The following CNTN5 variants were observed in gnomAD, a reference collection of about 807,000 sequenced individuals.
The protein encoded by CNTN5 is contactin-5.
Under a neutral mutation model 129.1 loss-of-function variants are expected in CNTN5, and 77 were observed. The observed-to-expected ratio is 0.60, with a 90% CI of 0.50 to 0.72. The LOEUF is 0.72. CNTN5 is among the 30% of genes least tolerant of loss of function. CNTN5 has a pLI of 0.00. For missense variants in CNTN5, 1,478 were observed against 1,328.8 expected (o/e 1.11, Z -1.75); for synonymous variants, 509 against 465.6 (o/e 1.09, Z -1.20).
intron 3 of CNTN5, among the ~76,000 whole-genome samples, chr11:99,763,684 T>C (rs138501833): frequency 1.3e-3 from 202 of 152,222 alleles, no homozygotes; most frequent in African/African-American, 4.6e-3. Flanking sequence ...AAGCATATTG[T>C]ATATTAATTT....
chr11:99,967,706 C>T (rs1027875617), intron 8 of CNTN5, among the ~76,000 whole-genome samples: 1 of 152,066 alleles, frequency 6.6e-6, no homozygotes, highest in Non-Finnish European at 1.5e-5. Context: ...TTTTTCCGAG[C>T]CGTAATTCCT....
chr11:99,085,497 G>A (rs547789614), intron 1 of CNTN5, among the ~76,000 whole-genome samples: 13 of 152,182 alleles, frequency 8.5e-5, no homozygotes, highest in Admixed American at 8.5e-4. Flanking sequence ...CCTTGTAAGA[G>A]TTTTTCTAAC....
chr11:100,291,872 A>G (rs1424305311), intron 18 of CNTN5, among the ~76,000 whole-genome samples: 1 of 151,652 alleles, frequency 6.6e-6, no homozygotes, highest in Non-Finnish European at 1.5e-5. Context: ...ATAGCTGTAG[A>G]GGTTAAAACA....
intron 2 of CNTN5, among the ~76,000 whole-genome samples, chr11:99,445,673 C>G (rs762792598): frequency 1.6e-4 from 24 of 152,158 alleles, no homozygotes; most frequent in Non-Finnish European, 1.6e-4. Flanking sequence ...GAGATGTTAA[C>G]TAAGGAAATG....
At chr11:100,259,021 A>ACCCCCC (rs1333070924) in intron 17 of CNTN5, among the ~76,000 whole-genome samples, 1 of 152,120 alleles carries the variant, frequency 6.6e-6, no homozygotes, top group South Asian at 2.1e-4. Flanking sequence ...AAGAGTCAAG[A>ACCCCCC]CCCATCAGTG....
intron 18 of CNTN5, among the ~76,000 whole-genome samples, chr11:100,287,675 G>A (rs1313776306): frequency 1.3e-5 from 2 of 151,960 alleles, no homozygotes; most frequent in African/African-American, 4.8e-5. Context: ...AAAGACCTTC[G>A]AGACTAGGAA....
chr11:100,223,948 C>G (rs1269047173), intron 15 of CNTN5, among the ~76,000 whole-genome samples: 1 of 151,984 alleles, frequency 6.6e-6, no homozygotes, highest in East Asian at 1.9e-4. Flanking sequence ...GGAACATCAC[C>G]TATCCCATGA....
chr11:99,445,158 T>TATA (rs1944011097), intron 2 of CNTN5, among the ~76,000 whole-genome samples: 1 of 149,658 alleles, frequency 6.7e-6, no homozygotes, highest in African/African-American at 2.4e-5. Context: ...ATATATAGCT[T>TATA]ATATATAAAT....
intron 2 of CNTN5, among the ~76,000 whole-genome samples, chr11:99,373,711 CAAAAAAAAA>C (rs57363059): frequency 2.1e-5 from 2 of 96,000 alleles, no homozygotes; most frequent in African/African-American, 8.4e-5. Flanking sequence ...AACTCCGTCT[CAAAAAAAAA>C]AAAAAAAAAA....
intron 1 of CNTN5, among the ~76,000 whole-genome samples, chr11:99,123,171 A>C (rs1291600095): frequency 6.6e-6 from 1 of 152,134 alleles, no homozygotes; most frequent in Non-Finnish European, 1.5e-5. Context: ...ACCAGTGTAT[A>C]ATAAGTGTTC....
At chr11:99,906,880 G>T (rs1356462270) in intron 6 of CNTN5, among the ~76,000 whole-genome samples, 1 of 151,472 alleles carries the variant, frequency 6.6e-6, no homozygotes, top group Non-Finnish European at 1.5e-5. Flanking sequence ...TTGGAAGGGT[G>T]TATATGTCCA....
chr11:99,202,870 G>A (rs1859279866), intron 1 of CNTN5, among the ~76,000 whole-genome samples: 1 of 151,664 alleles, frequency 6.6e-6, no homozygotes, highest in African/African-American at 2.4e-5. Context: ...CTGCCCATAT[G>A]TTTGAAAATA....
At chr11:99,131,722 G>A (rs1329262408) in intron 1 of CNTN5, among the ~76,000 whole-genome samples, 1 of 152,008 alleles carries the variant, frequency 6.6e-6, no homozygotes, top group African/African-American at 2.4e-5. Flanking sequence ...TCCCCAAATA[G>A]ACCAATAACA....
At chr11:100,321,128 A>G (rs1466042987) in intron 21 of CNTN5, among the ~76,000 whole-genome samples, 3 of 152,080 alleles carry the variant, frequency 2.0e-5, no homozygotes, top group African/African-American at 7.2e-5. Context: ...CAATGACTCT[A>G]TAGGTCCTTT....
chr11:99,391,976 A>G (rs1591616545), intron 2 of CNTN5, among the ~76,000 whole-genome samples: 1 of 152,026 alleles, frequency 6.6e-6, no homozygotes, highest in East Asian at 1.9e-4. Context: ...GCACAAGAAA[A>G]TGTCATGTAA....
chr11:100,286,654 G>A (rs1194245330), intron 18 of CNTN5, among the ~76,000 whole-genome samples: 3 of 149,826 alleles, frequency 2.0e-5, no homozygotes, highest in East Asian at 1.9e-4. Flanking sequence ...CAAAGATGGG[G>A]AAAAAACACA....
chr11:99,629,701 T>A (rs1244046956), intron 3 of CNTN5, among the ~76,000 whole-genome samples: 3 of 151,914 alleles, frequency 2.0e-5, no homozygotes, highest in Non-Finnish European at 4.4e-5. Context: ...TATGTAAATA[T>A]TCTGATGACA....
intron 1 of CNTN5, among the ~76,000 whole-genome samples, chr11:99,149,445 G>T (rs1859941002): frequency 6.6e-6 from 1 of 152,076 alleles, no homozygotes; most frequent in Admixed American, 6.5e-5. Flanking sequence ...TTAGTTGATT[G>T]CATTTCTTTT....
intron 7 of CNTN5, among the ~76,000 whole-genome samples, chr11:99,923,500 T>G (rs955471675): frequency 6.6e-6 from 1 of 152,226 alleles, no homozygotes; most frequent in Non-Finnish European, 1.5e-5. Context: ...AGTCATTTAT[T>G]ACTATTTTAC....
Sources: gnomAD v4.1 joint callset for allele counts (sites outside exome capture counted in the v4.1 genomes callset) on GRCh38, gnomAD v4.1.1 for gene constraint, MANE v1.5 for transcripts, NCBI Gene and HGNC (gene_info 2026-07-23, HGNC 2026-07-21) for gene names.